Variants in KDM5A observed in about 807,000 individuals in gnomAD.
KDM5A encodes the protein lysine-specific demethylase 5A.
Under a neutral mutation model 193.5 loss-of-function variants are expected in KDM5A, and 42 were observed. The ratio of observed to expected loss-of-function variants is 0.22; its 90% CI spans 0.17 to 0.28. KDM5A has a LOEUF of 0.28. Ranked by LOEUF, KDM5A falls within the 10% of genes least tolerant of loss-of-function variation. The pLI is 1.00. For synonymous variants in KDM5A, 796 were observed against 718.1 expected, an observed-to-expected ratio of 1.11 and a Z score of -1.73; for missense variants, 1,692 against 2,055.1, an observed-to-expected ratio of 0.82 and a Z score of 3.42.
Position 292,952 on chromosome 12 carries a change from T to A in KDM5A, c.4673A>T (p.Glu1558Val), listed in dbSNP as rs114476959. ...CTCCTTCTTTTTCTTTCTCTCTTCT[T>A]CTTTTGCTAGTTTCTTGGCCAGTTT... ...LNKLAKKLAK[E>V]EERKKKKEKA... The change falls in exon 27 of 28, where the codon GAA (glutamate) becomes GTA (valine). Residue 1558 changes from glutamate (E) to valine (V), a missense_variant. Glu to Val is a moderately radical substitution (Grantham distance 121). Around this residue, in one of 11 missense-constraint regions of KDM5A, gnomAD observed 965 missense variants for 1,061.0 expected, o/e 0.91. Transcript: ENST00000399788. The A allele has an allele frequency of 1.9e-3, 3,107 of 1,613,554 alleles. 22 individuals carry two copies. The highest frequency in any genetic ancestry group is 0.016 in the African/African-American group (1,167 of 75,012).
chr12:366,621 G>A (rs1341595414), intron 3 of KDM5A, among the ~76,000 whole-genome samples: 1 of 152,126 alleles, frequency 6.6e-6, no homozygotes, highest in Non-Finnish European at 1.5e-5. Context: ...AGTTTTATAT[G>A]GAAGATCATA....
rs760842782 is a variant in KDM5A, at chr12:310,863, G to A, written c.3216+22C>T. ...ACTACTTAAATTATCAGCTGCTTATGAGAGTGTTGAAGTTCAAGTACCTGT... is the reference window on the plus strand; with the variant it reads ...ACTACTTAAATTATCAGCTGCTTATAAGAGTGTTGAAGTTCAAGTACCTGT... On this transcript the variant is annotated intron_variant, in intron 21 of 27. Coordinates refer to ENST00000399788, the MANE Select transcript of KDM5A (RefSeq NM_001042603.3). 2.5e-6 allele frequency: 4 copies of A among 1,610,888 alleles called. No individual in the cohort carries two copies. The East Asian group carries it at 8.9e-5, about 36-fold the overall frequency.
At chr12:377,208 G>A (rs575597032) in intron 3 of KDM5A, among the ~76,000 whole-genome samples, 1 of 152,256 alleles carries the variant, frequency 6.6e-6, no homozygotes, top group Non-Finnish European at 1.5e-5. Context: ...AGTTTGAAGA[G>A]AAGGGATGTT....
intron 18 of KDM5A, among the ~76,000 whole-genome samples, chr12:320,468 C>T (rs1943703948): frequency 6.6e-6 from 1 of 152,150 alleles, no homozygotes; most frequent in Admixed American, 6.5e-5. Flanking sequence ...TGCACTCCAG[C>T]CTGGGCGACA....
Position 284,280 on chromosome 12 carries a change from C to G in KDM5A, c.*1176G>C. ...AAGGAAAAATAATCTATGTATAGAA[C>G]AGTCAGTAGTCAGAGACATTTAGAA... On this transcript the variant is annotated 3_prime_UTR_variant, in exon 28 of 28. Coordinates refer to ENST00000399788, the MANE Select transcript of KDM5A (RefSeq NM_001042603.3). The G allele has an allele frequency of 4.4e-6, 1 of 227,694 alleles. No individual in the cohort carries two copies. Among genetic ancestry groups the G allele is most frequent in the Non-Finnish European group, 8.7e-6 (1 of 115,068 alleles). 14.1% of individuals were successfully genotyped at this position (227,694 alleles called of 1,614,324 possible). A position where few individuals can be genotyped will look rare whatever the true frequency, so the allele number is the denominator to read the frequency against.
In KDM5A at chr12:349,330, CTTTTTTTT is replaced by C. The variant is rs749540223; in HGVS notation, c.1308+1283_1308+1290del. Among the ~76,000 whole-genome samples the C allele has an allele frequency of 6.8e-5, 8 of 117,698 alleles. No individual in the cohort carries two copies. The Admixed American group carries it at 7.2e-4, about 11-fold the overall frequency. The allele number at this position is 117,698 out of a possible 152,430, so 77.2% of individuals were successfully genotyped here. ...CCCCCGCGCCCAGCCATCTTCTAGA[CTTTTTTTT>C]TTTTTTTTTTGAGACGGAGTCTCGC... On this transcript the variant is annotated intron_variant, in intron 10 of 27. Coordinates refer to ENST00000399788, the MANE Select transcript of KDM5A (RefSeq NM_001042603.3).
At chr12:292,704 C>G in intron 27 of KDM5A, 55 bp downstream of exon 27, 1 of 1,611,196 alleles carries the variant, frequency 6.2e-7, no homozygotes. Context: ...ACATGTGTCT[C>G]CACAACTGTT....
rs376110446 is a variant in KDM5A at position 389,032 on chromosome 12, G to T, written c.60C>A (p.Pro20=). The T allele has an allele frequency of 9.3e-6, 15 of 1,613,884 alleles. No individual in the cohort carries two copies. The highest frequency in any genetic ancestry group is 1.3e-5 in the Non-Finnish European group (15 of 1,179,960). The change falls in exon 1 of 28, where the codon CCC becomes CCA. Residue 20 remains proline, a synonymous_variant. Coordinates refer to ENST00000399788, the MANE Select transcript of KDM5A (RefSeq NM_001042603.3). The stretch of plus-strand genomic sequence containing the variant: ...ACTCCTCCCAACTCGGCTCAAAGAC[G>T]GGGCACTCTGGCGGTGGCACGAACT... The part of the protein sequence containing the change: ...AAEFVPPPEC[P]VFEPSWEEFT...
At chr12:382,450 CGT>C (rs1336560066) in intron 3 of KDM5A, among the ~76,000 whole-genome samples, 1 of 145,276 alleles carries the variant, frequency 6.9e-6, no homozygotes, top group Non-Finnish European at 1.5e-5. Flanking sequence ...GCAACAAGGG[CGT>C]GACTCCATTT....
intron 25 of KDM5A, 120 bp downstream of exon 25, chr12:296,921 A>G (rs1339403437): frequency 6.9e-6 from 7 of 1,007,614 alleles, no homozygotes; most frequent in South Asian, 1.4e-5. Context: ...AGGTTCCATT[A>G]GTATTTCATG....
Position 280,774 on chromosome 12 carries a change from C to T in KDM5A, c.*4682G>A. On this transcript the variant is annotated 3_prime_UTR_variant, in exon 28 of 28. Transcript: ENST00000399788. ...ACCAAAAGTGAGGAAATGTGTTGGT[C>T]ATCACTGGATTCTTGCTGGAAACAG... The T allele has an allele frequency of 4.3e-6, 1 of 232,962 alleles. No individual in the cohort carries two copies. The highest frequency in any genetic ancestry group is 8.5e-6 in the Non-Finnish European group (1 of 117,892). The allele number at this position is 232,962 out of a possible 1,614,324, so 14.4% of individuals were successfully genotyped here. A position where few individuals can be genotyped will look rare whatever the true frequency, so the allele number is the denominator to read the frequency against.
chr12:382,915 G>A (rs1011521391), intron 3 of KDM5A, among the ~76,000 whole-genome samples: 5 of 151,708 alleles, frequency 3.3e-5, no homozygotes, highest in Admixed American at 2.0e-4. Flanking sequence ...CTGGACACAA[G>A]AGCAAAACTC....
intron 3 of KDM5A, among the ~76,000 whole-genome samples, chr12:373,943 G>A (rs530007396): frequency 6.6e-5 from 10 of 152,340 alleles, no homozygotes; most frequent in African/African-American, 2.2e-4. Flanking sequence ...TGGTCTGAGA[G>A]ACAGTTTGTT....
At chr12:290,979 T>C (rs1416375532) in intron 27 of KDM5A, among the ~76,000 whole-genome samples, 1 of 152,196 alleles carries the variant, frequency 6.6e-6, no homozygotes, top group Non-Finnish European at 1.5e-5. Flanking sequence ...GAGAAGGTTC[T>C]GCCAATAATG....
intron 10 of KDM5A, among the ~76,000 whole-genome samples, chr12:343,967 C>T (rs548241867): frequency 3.3e-5 from 5 of 152,240 alleles, no homozygotes; most frequent in African/African-American, 4.8e-5. Context: ...CAAACTTCTC[C>T]GAGCTAAAGG....
In KDM5A at chr12:297,859, A is replaced by G. The variant is rs536438519; in HGVS notation, c.4075-659T>C. On this transcript the variant is annotated intron_variant, in intron 24 of 27. Transcript: ENST00000399788. ...CAGTCAGTCTGCATCTCCTTATTGG[A>G]CTGAGAGAAAAAGCAGCCAGACCTC... 1.3e-3 allele frequency among the ~76,000 whole-genome samples: 193 copies of G among 152,334 alleles called. 1 individual carries two copies. In the Middle Eastern group the frequency reaches 0.017, roughly 13 times the overall value.
At chr12:372,079 T>C (rs1443367257) in intron 3 of KDM5A, among the ~76,000 whole-genome samples, 1 of 152,078 alleles carries the variant, frequency 6.6e-6, no homozygotes, top group South Asian at 2.1e-4. Context: ...CTTGGCAATG[T>C]GGGCTCTTTT....
At chr12:352,421 T>C in intron 8 of KDM5A, 97 bp from the exon 9 acceptor site, 1 of 1,091,292 alleles carries the variant, frequency 9.2e-7, no homozygotes, top group Non-Finnish European at 1.4e-6. Context: ...TTTCCCTAGG[T>C]AAAGTAAATC....
At position 281,854 on chromosome 12, in the gene KDM5A, C is replaced by A. The variant is rs1179383702; in HGVS notation, c.*3602G>T. On this transcript the variant is annotated 3_prime_UTR_variant, in exon 28 of 28. Transcript: ENST00000399788. ...TAAAATACTGACAAGCAAGTAGTTT[C>A]TTGGCGTGCACGAATTGCATCCAGA... The A allele has an allele frequency of 3.7e-6, 1 of 271,182 alleles. No homozygotes were observed. Among genetic ancestry groups the A allele is most frequent in the Admixed American group, 5.4e-5 (1 of 18,468 alleles). 16.8% of individuals were successfully genotyped at this position (271,182 alleles called of 1,614,324 possible).
Sources: gnomAD v4.1 joint callset for allele counts (sites outside exome capture counted in the v4.1 genomes callset) on GRCh38, gnomAD v4.1.1 for gene constraint, gnomAD v4.1.1 regional missense constraint, MANE v1.5 for transcripts, NCBI Gene and HGNC (gene_info 2026-07-23, HGNC 2026-07-21) for gene names.